Variants in PCDHGA4 observed in about 807,000 individuals in gnomAD.
PCDHGA4 encodes the protein protocadherin gamma-A4.
A neutral mutation model predicts 54.6 loss-of-function variants in PCDHGA4; 38 were observed. That is an observed-to-expected ratio of 0.70 (90% CI 0.54 to 0.91). PCDHGA4 has a LOEUF of 0.91. PCDHGA4 is among the 40% of genes least tolerant of loss of function. PCDHGA4 has a pLI of 0.00. For synonymous variants in PCDHGA4, 511 were observed against 512.9 expected (o/e 1.00, Z 0.05); for missense variants, 1,298 against 1,220.9 (o/e 1.06, Z -0.94).
At position 141,489,644 on chromosome 5, in the gene PCDHGA4, C is replaced by T. The variant is rs1244782345; in HGVS notation, c.2515-5163C>T. 11 of 1,614,070 alleles carry T rather than the reference C, an allele frequency of 6.8e-6. No individual in the cohort carries two copies. The Admixed American group carries it at 1.8e-4, about 27-fold the overall frequency. ...AATGACAACTCTCCTAGCTTTGCCA[C>T]CCCTGAGCGAGAGATGCGCATCTCA... is the stretch of plus-strand genomic sequence containing the variant. On this transcript the variant is annotated intron_variant, in intron 1 of 3. Coordinates refer to ENST00000571252, the MANE Select transcript of PCDHGA4 (RefSeq NM_018917.4). The surrounding 1 kb of genome is among the most constrained non-coding windows in gnomAD (Gnocchi z 4.5).
chr5:141,509,575 T>C (rs186302231), intron 3 of PCDHGA4, among the ~76,000 whole-genome samples: 153 of 152,320 alleles, frequency 1.0e-3, no homozygotes, highest in African/African-American at 3.7e-3. Flanking sequence ...TCACAGTGCG[T>C]ACAAATCAGC....
At chr5:141,488,198 GGACTC>G in intron 1 of PCDHGA4, among the ~76,000 whole-genome samples, 1 of 152,166 alleles carries the variant, frequency 6.6e-6, no homozygotes, top group Non-Finnish European at 1.5e-5. Context: ...CTGGGTCTTA[GGACTC>G]ATATCAAGTC....
At chr5:141,469,306 A>G in intron 1 of PCDHGA4, among the ~76,000 whole-genome samples, 1 of 150,500 alleles carries the variant, frequency 6.6e-6, no homozygotes, top group South Asian at 2.1e-4. Flanking sequence ...ACTGGGCACG[A>G]TGGCTCACGC....
chr5:141,422,276 T>G, intron 1 of PCDHGA4: 3 of 1,558,820 alleles, frequency 1.9e-6, no homozygotes, highest in South Asian at 1.3e-5. Context: ...GAAATAACTA[T>G]CACCTCTTCT....
At chr5:141,430,996 G>C in intron 1 of PCDHGA4, 8 of 1,614,024 alleles carry the variant, frequency 5.0e-6, no homozygotes, top group Middle Eastern at 3.3e-4. Context: ...CCCTGAATCC[G>C]CGCAGCGGCA....
chr5:141,477,263 G>A lies in PCDHGA4; in HGVS notation c.2515-17544G>A, dbSNP rs543767777. 1.4e-5 allele frequency: 23 copies of A among 1,614,192 alleles called. No individual in the cohort carries two copies. The highest frequency in any genetic ancestry group is 1.8e-5 in the Non-Finnish European group (21 of 1,180,046). On this transcript the variant is annotated intron_variant, in intron 1 of 3. Transcript: ENST00000571252. The surrounding 1 kb of genome is among the most constrained non-coding windows in gnomAD (Gnocchi z 4.9). The stretch of plus-strand genomic sequence containing the variant: ...CAGTGTGACTGACCTGGATGCTGGC[G>A]AGAACGGGCTGGTGACCTGCGAAGT...
chr5:141,426,719 A>G (rs776136674), intron 1 of PCDHGA4: 2 of 446,424 alleles, frequency 4.5e-6, no homozygotes, highest in Non-Finnish European at 9.1e-6. Context: ...ATGAACTAGC[A>G]ATTCCAGGCA....
intron 1 of PCDHGA4, chr5:141,360,559 AT>A: frequency 1.2e-6 from 2 of 1,614,032 alleles, no homozygotes; most frequent in Non-Finnish European, 8.5e-7. Flanking sequence ...TAATTTAAAA[AT>A]TGGCGAATCC....
intron 1 of PCDHGA4, chr5:141,404,968 G>A: frequency 6.2e-7 from 1 of 1,613,964 alleles, no homozygotes. Context: ...CAGACATCCT[G>A]GCTGACCTGG....
chr5:141,383,044 G>A, intron 1 of PCDHGA4: 2 of 1,613,876 alleles, frequency 1.2e-6, no homozygotes, highest in Non-Finnish European at 1.7e-6. Flanking sequence ...GGGAGACATC[G>A]CCAAGGACCT....
At position 141,409,103 on chromosome 5, in the gene PCDHGA4, A is replaced by G. The variant is rs750657192; in HGVS notation, c.2514+51482A>G. The G allele has an allele frequency of 6.8e-6, 11 of 1,613,926 alleles. No individual in the cohort carries two copies. Among genetic ancestry groups the G allele is most frequent in the Non-Finnish European group, 9.3e-6 (11 of 1,179,900 alleles). On this transcript the variant is annotated intron_variant, in intron 1 of 3. Coordinates refer to ENST00000571252, the MANE Select transcript of PCDHGA4 (RefSeq NM_018917.4). ...CTCATTGGATGAGAAAACAGGTATG[A>G]TTAAGAATAACCAGTCATTTGATTT...
chr5:141,460,656 ACTGTAAACACAGT>A (rs2098994793), intron 1 of PCDHGA4, among the ~76,000 whole-genome samples: 1 of 152,086 alleles, frequency 6.6e-6, no homozygotes, highest in Admixed American at 6.6e-5. Flanking sequence ...CACATATGTA[ACTGTAAACACAGT>A]TATATATCTA....
chr5:141,404,934 C>G, intron 1 of PCDHGA4: 1 of 1,613,986 alleles, frequency 6.2e-7, no homozygotes. Context: ...GTCACGCTCA[C>G]AGTAGCCATA....
Position 141,486,230 on chromosome 5 carries a change from A to C in PCDHGA4, c.2515-8577A>C. On this transcript the variant is annotated intron_variant, in intron 1 of 3. Coordinates refer to ENST00000571252, the MANE Select transcript of PCDHGA4 (RefSeq NM_018917.4). The surrounding 1 kb of genome is among the most constrained non-coding windows in gnomAD (Gnocchi z 5.0). ...TGACAATGCCCCTTACATCACAGTGACCTCAGAGCTTGGAACCCTCCCCGA... is the reference window on the plus strand; with the variant it reads ...TGACAATGCCCCTTACATCACAGTGCCCTCAGAGCTTGGAACCCTCCCCGA... The C allele has an allele frequency of 6.2e-7, 1 of 1,614,016 alleles. No individual in the cohort carries two copies. Among genetic ancestry groups the C allele is most frequent in the Non-Finnish European group, 8.5e-7 (1 of 1,179,964 alleles).
chr5:141,360,069 G>T, intron 1 of PCDHGA4: 1 of 1,469,260 alleles, frequency 6.8e-7, no homozygotes, highest in East Asian at 2.5e-5. Context: ...AGTGACCTTA[G>T]CCCGGATTCT....
intron 1 of PCDHGA4, chr5:141,409,350 G>T: frequency 6.2e-7 from 1 of 1,613,922 alleles, no homozygotes; most frequent in Non-Finnish European, 8.5e-7. Context: ...GGAGAAGTCA[G>T]GTGTAATATA....
rs780491756 is a variant in PCDHGA4 at position 141,375,972 on chromosome 5, G to A, written c.2514+18351G>A. ...CACACGGGCGAGGTGCGCACGGCGC[G>A]CGCCCTGCTGGACAGAGACGCGCTC... is the stretch of plus-strand genomic sequence containing the variant. On this transcript the variant is annotated intron_variant, in intron 1 of 3. Transcript: ENST00000571252. 9.9e-6 allele frequency: 16 copies of A among 1,613,336 alleles called. No homozygotes were observed. In the Admixed American group the frequency reaches 1.0e-4, roughly 10 times the overall value.
rs368155258 is a variant in PCDHGA4 at position 141,394,236 on chromosome 5, A to T, written c.2514+36615A>T. 3.1e-5 allele frequency: 50 copies of T among 1,613,818 alleles called. No individual in the cohort carries two copies. The highest frequency in any genetic ancestry group is 3.9e-5 in the Non-Finnish European group (46 of 1,179,848). On this transcript the variant is annotated intron_variant, in intron 1 of 3. Transcript: ENST00000571252. ...GAGAGGAGCCTCCATCTTTTCCTTG[A>T]CTGCACACGACCCCGACAGCCAGGA...
chr5:141,454,628 AC>A (rs1272822911), intron 1 of PCDHGA4, among the ~76,000 whole-genome samples: 2 of 151,334 alleles, frequency 1.3e-5, no homozygotes, highest in Non-Finnish European at 2.9e-5. Context: ...CTGGTCTCGA[AC>A]CCCCAACCTC....
Sources: gnomAD v4.1 joint callset for allele counts (sites outside exome capture counted in the v4.1 genomes callset) on GRCh38, gnomAD v4.1.1 for gene constraint, Gnocchi (gnomAD v3.1) non-coding constraint, MANE v1.5 for transcripts, NCBI Gene and HGNC (gene_info 2026-07-23, HGNC 2026-07-21) for gene names.